The following SEC24C variants were observed in gnomAD, a reference collection of about 807,000 sequenced individuals.
SEC24C encodes SEC24 homolog C, COPII component, also known as protein transport protein Sec24C.
Under a neutral mutation model 117.0 loss-of-function variants are expected in SEC24C, and 22 were observed. The ratio of observed to expected loss-of-function variants is 0.19; its 90% CI spans 0.13 to 0.27. The LOEUF (loss-of-function observed/expected upper bound fraction) is 0.27. Among genes scored for constraint, SEC24C ranks in the 10% least tolerant of loss-of-function variants. The probability of loss-of-function intolerance (pLI) is 1.00; values close to 1 mark genes in which losing one functional copy is unlikely to be tolerated. For missense variants in SEC24C, 1,155 were observed against 1,375.1 expected, an observed-to-expected ratio of 0.84 and a Z score of 2.53; for synonymous variants, 506 against 529.4, an observed-to-expected ratio of 0.96 and a Z score of 0.61.
At position 73,769,778 on chromosome 10, in the gene SEC24C, G is replaced by A; in HGVS notation, c.2682+45G>A. 3 of 1,612,532 alleles carry A rather than the reference G, an allele frequency of 1.9e-6. No individual in the cohort carries two copies. The highest frequency in any genetic ancestry group is 2.5e-6 in the Non-Finnish European group (3 of 1,178,602). On this transcript the variant is annotated intron_variant, in intron 19 of 22. Transcript: ENST00000345254. This position sits in a 1 kb window ranked among gnomAD's most constrained non-coding sequence, Gnocchi z 4.5. ...GGGAGGTGGGGTTGTTGGGACAAATGTTTGCATTTGGGAGGGATTTCTCAT... is the reference window on the plus strand; with the variant it reads ...GGGAGGTGGGGTTGTTGGGACAAATATTTGCATTTGGGAGGGATTTCTCAT...
chr10:73,767,058 C>T lies in SEC24C; in HGVS notation c.1898C>T (p.Ala633Val), dbSNP rs1565047335. 4.3e-6 allele frequency: 7 copies of T among 1,611,322 alleles called. No individual in the cohort carries two copies. Among genetic ancestry groups the T allele is most frequent in the Non-Finnish European group, 5.1e-6 (6 of 1,178,186 alleles). Residue 633 changes from alanine (A) to valine (V), a missense_variant, in exon 14 of 23, where the codon GCT (alanine) becomes GTT (valine). This residue lies in a region of SEC24C where 759 missense variants were observed against 992.3 expected (regional missense o/e 0.76). Transcript: ENST00000345254. ...IQAGMEALKAAECAGKLFLFH... is the reference protein window; with the variant it reads ...IQAGMEALKAVECAGKLFLFH... ...TAGTCCTCTCTTTTTTCCTAGGCTG[C>T]TGAGTGTGCAGGGAAGCTCTTTCTA...
At chr10:73,763,407 C>A in intron 6 of SEC24C, 83 bp from the exon 7 acceptor site, 1 of 911,166 alleles carries the variant, frequency 1.1e-6, no homozygotes, top group Non-Finnish European at 1.8e-6. Flanking sequence ...TGTGTTACAG[C>A]TCTAGCCTTT....
At chr10:73,757,450 A>G (rs2082726942) in intron 3 of SEC24C, among the ~76,000 whole-genome samples, 1 of 149,702 alleles carries the variant, frequency 6.7e-6, no homozygotes, top group Admixed American at 6.6e-5. Context: ...GGTTGAGGCT[A>G]CAGTGAGCCA....
chr10:73,753,388 G>T (rs1298544229), intron 3 of SEC24C, among the ~76,000 whole-genome samples: 1 of 152,074 alleles, frequency 6.6e-6, no homozygotes, highest in Non-Finnish European at 1.5e-5. Context: ...GTTTACACTT[G>T]GCTGGGTGAG....
chr10:73,759,556 C>A, intron 3 of SEC24C, 66 bp from the exon 4 acceptor site: 1 of 1,252,662 alleles, frequency 8.0e-7, no homozygotes, highest in Non-Finnish European at 1.1e-6. Context: ...TATGATGTGA[C>A]ACTTCTGTAG....
intron 2 of SEC24C, among the ~76,000 whole-genome samples, chr10:73,750,671 C>T (rs1307905288): frequency 6.6e-6 from 1 of 152,232 alleles, no homozygotes; most frequent in Admixed American, 6.5e-5. Flanking sequence ...CAAGAGATGC[C>T]TTTCTTTGCA....
intron 20 of SEC24C, 75 bp from the exon 21 acceptor site, chr10:73,770,205 A>G (rs1360104079): frequency 6.9e-7 from 1 of 1,451,424 alleles, no homozygotes; most frequent in African/African-American, 1.4e-5. Flanking sequence ...AGCTTTCAAA[A>G]TTTTGTGTGT....
intron 2 of SEC24C, among the ~76,000 whole-genome samples, chr10:73,749,844 A>T (rs1400565030): frequency 2.0e-5 from 3 of 152,166 alleles, no homozygotes; most frequent in Non-Finnish European, 4.4e-5. Context: ...GTCCAGCCTT[A>T]CCTTACTTTC....
At chr10:73,758,323 G>A (rs1471757432) in intron 3 of SEC24C, among the ~76,000 whole-genome samples, 2 of 152,170 alleles carry the variant, frequency 1.3e-5, no homozygotes, top group African/African-American at 2.4e-5. Context: ...AAAAGTTTGA[G>A]GGGGCTGTGA....
intron 2 of SEC24C, among the ~76,000 whole-genome samples, chr10:73,747,564 G>C (rs777174720): frequency 2.0e-5 from 3 of 151,940 alleles, no homozygotes; most frequent in Non-Finnish European, 4.4e-5. Flanking sequence ...ATCTTGGCCA[G>C]GCTGGTCTTG....
In SEC24C at chr10:73,767,890, G is replaced by A. The variant is rs1464614998; in HGVS notation, c.2064G>A (p.Val688=). Residue 688 remains valine (V), a synonymous_variant, in exon 15 of 23, where the codon GTG becomes GTA. Coordinates refer to ENST00000345254, the MANE Select transcript of SEC24C (RefSeq NM_198597.3). ...GAYQTLAKEC[V]AQGCCVDLFL... The stretch of plus-strand genomic sequence containing the variant: ...ATCAGACCCTGGCCAAAGAGTGTGT[G>A]GCCCAAGGCTGCTGTGTAGATCTCT... 1.2e-6 allele frequency: 2 copies of A among 1,613,720 alleles called. No individual in the cohort carries two copies. The highest frequency in any genetic ancestry group is 2.2e-5 in the South Asian group (2 of 91,006).
chr10:73,767,390 C>T (rs2082901353), intron 14 of SEC24C, among the ~76,000 whole-genome samples: 1 of 152,120 alleles, frequency 6.6e-6, no homozygotes, highest in Non-Finnish European at 1.5e-5. Context: ...AACTTTTGGC[C>T]GGGCATGATG....
At position 73,760,405 on chromosome 10, in the gene SEC24C, CT is replaced by C. The variant is rs1351309800; in HGVS notation, c.850+20del. On this transcript the variant is annotated intron_variant, in intron 5 of 22. Coordinates refer to ENST00000345254, the MANE Select transcript of SEC24C (RefSeq NM_198597.3). ...CAAAATGGTGAGTCTTTCCCAAGGT[CT>C]GTCTTAGAAGCTAGAGGCTTCAGCT... 4 of 1,568,612 alleles carry C rather than the reference CT, an allele frequency of 2.6e-6. No homozygotes were observed. The African/African-American group carries it at 5.4e-5, about 21-fold the overall frequency.
chr10:73,749,339 G>A (rs897115074), intron 2 of SEC24C, among the ~76,000 whole-genome samples: 1 of 152,202 alleles, frequency 6.6e-6, no homozygotes, highest in African/African-American at 2.4e-5. Flanking sequence ...CCCTGGGACA[G>A]TGTAGTTTAT....
At chr10:73,755,404 G>A (rs756375403) in intron 3 of SEC24C, among the ~76,000 whole-genome samples, 16 of 152,122 alleles carry the variant, frequency 1.1e-4, no homozygotes, top group Non-Finnish European at 2.2e-4. Context: ...CAGGCCAGGC[G>A]CGGTGGCTCA....
Position 73,752,914 on chromosome 10 carries a change from C to T in SEC24C, c.308+1671C>T, listed in dbSNP as rs192099938. Among the ~76,000 whole-genome samples, 157 of 152,298 alleles carry T rather than the reference C, an allele frequency of 1.0e-3. 1 individual carries two copies. The highest frequency in any genetic ancestry group is 1.3e-3 in the African/African-American group (54 of 41,568). On this transcript the variant is annotated intron_variant, in intron 3 of 22. Coordinates refer to ENST00000345254, the MANE Select transcript of SEC24C (RefSeq NM_198597.3). ...GCAAACTCCTTTGTAACTACAACTA[C>T]GACCCAGATGAAGAAATAGAACTTT...
At chr10:73,766,641 G>T in intron 12 of SEC24C, 100 bp downstream of exon 12, 1 of 1,455,126 alleles carries the variant, frequency 6.9e-7, no homozygotes, top group South Asian at 1.2e-5. Flanking sequence ...GATGGAAAGG[G>T]GTTGTGGCCC....
chr10:73,748,149 A>AT (rs2132517538), intron 2 of SEC24C, among the ~76,000 whole-genome samples: 1 of 149,862 alleles, frequency 6.7e-6, no homozygotes, highest in East Asian at 2.0e-4. Flanking sequence ...TTATTTATTT[A>AT]TTTTTTGAGA....
rs774393990 is a variant in SEC24C at position 73,769,233 on chromosome 10, C to G, written c.2424+81C>G. ...GAGGGTGAGGAATGGGTAGAGAGCA[C>G]TAAAAGAAGAGACAGGGCACGGGAG... On this transcript the variant is annotated intron_variant, in intron 17 of 22. Transcript: ENST00000345254. This position sits in a 1 kb window ranked among gnomAD's most constrained non-coding sequence, Gnocchi z 4.5. 5 of 1,590,270 alleles carry G rather than the reference C, an allele frequency of 3.1e-6. No homozygotes were observed. The Admixed American group carries it at 5.3e-5, about 17-fold the overall frequency.
Sources: allele counts gnomAD v4.1 joint callset (sites outside exome capture counted in the v4.1 genomes callset), GRCh38; gene constraint gnomAD v4.1.1; regional missense constraint gnomAD v4.1.1; non-coding constraint Gnocchi (gnomAD v3.1); transcripts MANE v1.5; gene names NCBI Gene and HGNC (gene_info 2026-07-23, HGNC 2026-07-21).